CASZ1: variants seen among roughly 807,000 people sequenced by gnomAD.
The protein encoded by CASZ1 is castor zinc finger 1, also known as zinc finger protein castor homolog 1.
In CASZ1, 28 loss-of-function variants were observed where a neutral mutation model predicts 135.2. That is an observed-to-expected ratio of 0.21 (90% CI 0.15 to 0.28). The LOEUF is 0.28. Among genes scored for constraint, CASZ1 ranks in the 10% least tolerant of loss-of-function variants. The pLI is 1.00. For missense variants in CASZ1, 2,161 were observed against 2,453.3 expected, an observed-to-expected ratio of 0.88 and a Z score of 2.52; for synonymous variants, 1,068 against 1,073.4, an observed-to-expected ratio of 0.99 and a Z score of 0.10.
chr1:10,664,943 G>C (rs1643178350), intron 5 of CASZ1, 140 bp downstream of exon 5: 1 of 1,022,384 alleles, frequency 9.8e-7, no homozygotes, highest in Non-Finnish European at 1.3e-6. Context: ...TCCCACTCCA[G>C]GAGCCCTCCC....
chr1:10,792,745 A>T (rs990230914), intron 1 of CASZ1, among the ~76,000 whole-genome samples: 1 of 148,354 alleles, frequency 6.7e-6, no homozygotes, highest in Admixed American at 6.8e-5. Flanking sequence ...CTGGGCAGAG[A>T]AGAAAAGGAG....
rs1415446006 is a variant in CASZ1, at chr1:10,706,904, T to TG, written c.-76-1361dup. On this transcript the variant is annotated intron_variant, in intron 2 of 20. Coordinates refer to ENST00000377022, the MANE Select transcript of CASZ1 (RefSeq NM_001079843.3). This position sits in a 1 kb window ranked among gnomAD's most constrained non-coding sequence, Gnocchi z 4.3. ...CTGAGACAGGGGGCGGTAGAGAGGA[T>TG]GGGGGGCTGTGTAAAGGGGGAATAA... is the stretch of plus-strand genomic sequence containing the variant. Among the ~76,000 whole-genome samples, 2 of 106,630 alleles carry TG rather than the reference T, an allele frequency of 1.9e-5. No homozygotes were observed. The highest frequency in any genetic ancestry group is 1.7e-4 in the Admixed American group (2 of 12,118). 70.0% of individuals were successfully genotyped at this position (106,630 alleles called of 152,430 possible). A position where few individuals can be genotyped will look rare whatever the true frequency, so the allele number is the denominator to read the frequency against.
rs571966139 is a variant in CASZ1 at position 10,744,061 on chromosome 1, T to C, written c.-77+16640A>G. Among the ~76,000 whole-genome samples the C allele has an allele frequency of 2.5e-4, 38 of 152,184 alleles. No individual in the cohort carries two copies. The South Asian group carries it at 7.3e-3, about 29-fold the overall frequency. On this transcript the variant is annotated intron_variant, in intron 2 of 20. Transcript: ENST00000377022. The stretch of plus-strand genomic sequence containing the variant: ...AATCAGTCCTTGGAAACTCGGGCAC[T>C]CTCTCCCCCTTAGACTCAAACTGCT...
intron 4 of CASZ1, among the ~76,000 whole-genome samples, chr1:10,670,102 G>A (rs1643356039): frequency 6.6e-6 from 1 of 152,150 alleles, no homozygotes; most frequent in Non-Finnish European, 1.5e-5. Flanking sequence ...GGTGGGCTGG[G>A]GCCCTGCCTT....
intron 2 of CASZ1, among the ~76,000 whole-genome samples, chr1:10,718,323 G>A (rs572869733): frequency 2.6e-5 from 4 of 152,336 alleles, no homozygotes; most frequent in Non-Finnish European, 4.4e-5. Flanking sequence ...CAGGCCCTGC[G>A]CCCACACACA....
intron 2 of CASZ1, among the ~76,000 whole-genome samples, chr1:10,737,398 C>T (rs1020625324): frequency 2.6e-5 from 4 of 152,324 alleles, no homozygotes; most frequent in Non-Finnish European, 2.9e-5. Context: ...CCCACCGGAG[C>T]GGTGAAGTGA....
rs569067388 is a variant in CASZ1, at chr1:10,646,692, G to A, written c.3498-366C>T. Among the ~76,000 whole-genome samples the A allele has an allele frequency of 6.3e-4, 96 of 152,348 alleles. No homozygotes were observed. The highest frequency in any genetic ancestry group is 2.2e-3 in the African/African-American group (92 of 41,586). On this transcript the variant is annotated intron_variant, in intron 16 of 20. Coordinates refer to ENST00000377022, the MANE Select transcript of CASZ1 (RefSeq NM_001079843.3). This position sits in a 1 kb window ranked among gnomAD's most constrained non-coding sequence, Gnocchi z 6.4. ...GTGCTGCCAGCCCTGGCGGGGTGCC[G>A]TGAGGCCCTGGCTGGCGTGGCATGG...
At chr1:10,682,859 G>A (rs11121606) in intron 4 of CASZ1, among the ~76,000 whole-genome samples, 55,320 of 152,200 alleles carry the variant, frequency 0.36, 11,739 homozygotes, top group Non-Finnish European at 0.47. Context: ...TGGAGGCGTG[G>A]TGCCATCTGT....
intron 4 of CASZ1, among the ~76,000 whole-genome samples, chr1:10,684,649 A>T (rs1022201886): frequency 1.3e-5 from 2 of 152,220 alleles, no homozygotes; most frequent in African/African-American, 4.8e-5. Context: ...AGTTCTGGGC[A>T]AACTGGGGTG....
chr1:10,752,986 G>A (rs1430903647), intron 2 of CASZ1, among the ~76,000 whole-genome samples: 2 of 152,278 alleles, frequency 1.3e-5, no homozygotes, highest in South Asian at 2.1e-4. Context: ...GCAGCAAGCC[G>A]AGATTGTGCC....
chr1:10,669,012 C>T (rs1347237207), intron 4 of CASZ1, among the ~76,000 whole-genome samples: 3 of 152,214 alleles, frequency 2.0e-5, no homozygotes, highest in Admixed American at 6.5e-5. Context: ...GGTTCGGGAC[C>T]TTCCCTCTCA....
At chr1:10,640,887 G>A (rs866540334) in intron 20 of CASZ1, among the ~76,000 whole-genome samples, 49 of 152,322 alleles carry the variant, frequency 3.2e-4, no homozygotes, top group Admixed American at 1.5e-3. Context: ...CTTTCTGGGA[G>A]GTACCTGTGC....
chr1:10,751,678 G>A (rs1164760089), intron 2 of CASZ1, among the ~76,000 whole-genome samples: 5 of 152,196 alleles, frequency 3.3e-5, no homozygotes, highest in South Asian at 2.1e-4. Context: ...CTCGGGAAGC[G>A]GAAGAGGTTC....
At chr1:10,688,599 A>G (rs374677801) in intron 4 of CASZ1, among the ~76,000 whole-genome samples, 6 of 152,170 alleles carry the variant, frequency 3.9e-5, no homozygotes, top group African/African-American at 1.4e-4. Flanking sequence ...TCCACTAGGC[A>G]GACGCTGCCA....
chr1:10,765,567 TGAGCCAAAACAA>T (rs1640460007), intron 1 of CASZ1, among the ~76,000 whole-genome samples: 1 of 152,018 alleles, frequency 6.6e-6, no homozygotes, highest in East Asian at 1.9e-4. Context: ...ACATACACAA[TGAGCCAAAACAA>T]GGGCGGCCAA....
intron 1 of CASZ1, among the ~76,000 whole-genome samples, chr1:10,786,006 A>C (rs1396765450): frequency 6.6e-6 from 1 of 152,232 alleles, no homozygotes; most frequent in Non-Finnish European, 1.5e-5. Context: ...ATTCGCCTTC[A>C]GCTCAGCCTG....
chr1:10,746,672 C>T (rs1054015804), intron 2 of CASZ1, among the ~76,000 whole-genome samples: 1 of 152,224 alleles, frequency 6.6e-6, no homozygotes, highest in African/African-American at 2.4e-5. Flanking sequence ...GGACCTTCTC[C>T]TAGAGCCGTC....
intron 4 of CASZ1, among the ~76,000 whole-genome samples, chr1:10,693,497 CAAAAAAAAAAAA>C (rs1172496673): frequency 2.1e-4 from 5 of 23,276 alleles, no homozygotes; most frequent in African/African-American, 5.4e-4. Context: ...TTGCAGAGAA[CAAAAAAAAAAAA>C]AAAAAAAAAA....
At position 10,757,859 on chromosome 1, in the gene CASZ1, A is replaced by G. The variant is rs530007509; in HGVS notation, c.-77+2842T>C. 6.0e-4 allele frequency among the ~76,000 whole-genome samples: 92 copies of G among 152,216 alleles called. No homozygotes were observed. Among genetic ancestry groups the G allele is most frequent in the African/African-American group, 2.0e-3 (85 of 41,538 alleles). On this transcript the variant is annotated intron_variant, in intron 2 of 20. Coordinates refer to ENST00000377022, the MANE Select transcript of CASZ1 (RefSeq NM_001079843.3). The surrounding 1 kb of genome is among the most constrained non-coding windows in gnomAD (Gnocchi z 4.6). ...GCTCAAAACCCTCCAGCGGCTTCCT[A>G]TCACCTAAGCATAAAATCCCAACTT...
Sources: gnomAD v4.1 joint callset for allele counts (sites outside exome capture counted in the v4.1 genomes callset) on GRCh38, gnomAD v4.1.1 for gene constraint, Gnocchi (gnomAD v3.1) non-coding constraint, MANE v1.5 for transcripts, NCBI Gene and HGNC (gene_info 2026-07-23, HGNC 2026-07-21) for gene names.